Variants in GALNT11 observed in about 807,000 individuals in gnomAD.
GALNT11 encodes the protein polypeptide N-acetylgalactosaminyltransferase 11, also known as UDP-GalNAc:polypeptide N-acetylgalactosaminyltransferase 11.
GALNT11 carries 47 observed loss-of-function variants against 72.7 expected under a neutral mutation model. That is an observed-to-expected ratio of 0.65 (90% CI 0.51 to 0.82). The LOEUF is 0.82. Ranked by LOEUF, GALNT11 falls within the 40% of genes least tolerant of loss-of-function variation. The pLI is 0.00. For synonymous variants in GALNT11, 270 were observed against 286.6 expected (o/e 0.94, Z 0.58); for missense variants, 677 against 778.4 (o/e 0.87, Z 1.55).
Position 152,120,834 on chromosome 7 carries a change from T to C in GALNT11, c.1561T>C (p.Trp521Arg). Reference sequence around the variant, plus strand: ...TTATTTTATTTTTCTTCTCTAGATCTGGATCTATAATGAAGAGCATGAATT... The same window carrying C: ...TTATTTTATTTTTCTTCTCTAGATCCGGATCTATAATGAAGAGCATGAATT... ...ACDYSDPNQI[W>R]IYNEEHELVL... Residue 521 changes from tryptophan to arginine, a missense_variant, in exon 11 of 12, where the codon TGG becomes CGG. Coordinates refer to ENST00000430044, the MANE Select transcript of GALNT11 (RefSeq NM_022087.4). The C allele has an allele frequency of 6.2e-7, 1 of 1,601,570 alleles. No individual in the cohort carries two copies. The highest frequency in any genetic ancestry group is 1.7e-4 in the Middle Eastern group (1 of 5,726).
At chr7:152,035,560 G>A (rs967218113) in intron 1 of GALNT11, among the ~76,000 whole-genome samples, 13 of 152,096 alleles carry the variant, frequency 8.5e-5, no homozygotes, top group Non-Finnish European at 1.6e-4. Context: ...GTCGACCCTC[G>A]GCTCAGCCCG....
chr7:152,105,427 C>T lies in GALNT11; in HGVS notation c.712+57C>T. On this transcript the variant is annotated intron_variant, in intron 5 of 11. Coordinates refer to ENST00000430044, the MANE Select transcript of GALNT11 (RefSeq NM_022087.4). Reference sequence around the variant, plus strand: ...TGTTGGATGACAAGGGCTCGAGCCTCAGCGCCTGTCCTGATTCTGCAAAGT... The same window carrying T: ...TGTTGGATGACAAGGGCTCGAGCCTTAGCGCCTGTCCTGATTCTGCAAAGT... 1.1e-5 allele frequency: 18 copies of T among 1,577,696 alleles called. No individual in the cohort carries two copies. The South Asian group carries it at 2.0e-4, about 18-fold the overall frequency.
chr7:152,037,240 A>G (rs181876416), intron 1 of GALNT11, among the ~76,000 whole-genome samples: 9 of 152,328 alleles, frequency 5.9e-5, no homozygotes, highest in Admixed American at 3.9e-4. Flanking sequence ...ATTTTTGTGT[A>G]TAGTGAGAGA....
chr7:152,050,512 G>T (rs959646725), intron 1 of GALNT11, among the ~76,000 whole-genome samples: 1 of 152,160 alleles, frequency 6.6e-6, no homozygotes, highest in Non-Finnish European at 1.5e-5. Context: ...AGAAAATCCT[G>T]TTTACTCTTC....
In GALNT11 at chr7:152,121,119, C is replaced by G. The variant is rs1332525632; in HGVS notation, c.1695+151C>G. 3.6e-6 allele frequency: 3 copies of G among 821,998 alleles called. No homozygotes were observed. The African/African-American group carries it at 5.2e-5, about 14-fold the overall frequency. 50.9% of individuals were successfully genotyped at this position (821,998 alleles called of 1,614,324 possible). ...CCCAGAAACCACAGGTAGTACAAACCCTGTATATACTGTATTTCTTTCTAG... is the reference window on the plus strand; with the variant it reads ...CCCAGAAACCACAGGTAGTACAAACGCTGTATATACTGTATTTCTTTCTAG... On this transcript the variant is annotated intron_variant, in intron 11 of 11. Transcript: ENST00000430044.
intron 1 of GALNT11, among the ~76,000 whole-genome samples, chr7:152,052,622 G>T (rs2083456151): frequency 6.6e-6 from 1 of 152,060 alleles, no homozygotes; most frequent in Non-Finnish European, 1.5e-5. Flanking sequence ...ACCTCACATT[G>T]CTGTCGATAG....
intron 8 of GALNT11, among the ~76,000 whole-genome samples, chr7:152,116,350 A>C (rs1019940522): frequency 6.6e-6 from 1 of 152,086 alleles, no homozygotes; most frequent in Non-Finnish European, 1.5e-5. Flanking sequence ...TCCCAGGTTC[A>C]AGTGATTCTG....
chr7:152,026,046 T>A (rs2081993424), intron 1 of GALNT11, among the ~76,000 whole-genome samples, 162 bp downstream of exon 1: 1 of 151,646 alleles, frequency 6.6e-6, no homozygotes, highest in African/African-American at 2.4e-5. Flanking sequence ...GAGGCTCGTG[T>A]CTCCGGGAGA....
intron 1 of GALNT11, among the ~76,000 whole-genome samples, chr7:152,059,688 A>G (rs1428169950): frequency 1.3e-5 from 2 of 152,170 alleles, no homozygotes; most frequent in Non-Finnish European, 2.9e-5. Flanking sequence ...TTTGAAAGCA[A>G]TCTTTCTGAT....
At chr7:152,105,099 A>T in intron 4 of GALNT11, 146 bp from the exon 5 acceptor site, 1 of 814,526 alleles carries the variant, frequency 1.2e-6, no homozygotes, top group Non-Finnish European at 1.8e-6. Context: ...AAGCTACAAT[A>T]CTCTTTTAAA....
intron 8 of GALNT11, among the ~76,000 whole-genome samples, chr7:152,115,991 G>A (rs1403009321): frequency 6.6e-6 from 1 of 152,156 alleles, no homozygotes; most frequent in Non-Finnish European, 1.5e-5. Flanking sequence ...GGGAGGTGGA[G>A]GTTGTGGTGT....
chr7:152,120,421 C>T (rs768318699), intron 10 of GALNT11: 6 of 186,520 alleles, frequency 3.2e-5, no homozygotes, highest in Non-Finnish European at 6.6e-5. Flanking sequence ...TCAGCCTGTG[C>T]ACTTCCTGAC....
chr7:152,111,616 C>CTGTG (rs540244396), intron 7 of GALNT11, among the ~76,000 whole-genome samples: 3 of 150,570 alleles, frequency 2.0e-5, no homozygotes, highest in African/African-American at 7.4e-5. Context: ...TTATTCCACT[C>CTGTG]TGTGTGTGTG....
At chr7:152,034,540 T>C (rs1175214729) in intron 1 of GALNT11, among the ~76,000 whole-genome samples, 1 of 152,066 alleles carries the variant, frequency 6.6e-6, no homozygotes, top group Non-Finnish European at 1.5e-5. Flanking sequence ...ATTTCAAGGG[T>C]GAGCCTGTTG....
intron 1 of GALNT11, among the ~76,000 whole-genome samples, chr7:152,046,158 A>G (rs1231022610): frequency 6.6e-6 from 1 of 152,108 alleles, no homozygotes; most frequent in Non-Finnish European, 1.5e-5. Context: ...AAGATACTTG[A>G]TATAATTTCA....
intron 1 of GALNT11, among the ~76,000 whole-genome samples, chr7:152,037,287 G>A (rs142259309): frequency 1.3e-5 from 2 of 152,210 alleles, no homozygotes; most frequent in East Asian, 1.9e-4. Context: ...TATGTATATC[G>A]AGTTTTCGCA....
intron 1 of GALNT11, among the ~76,000 whole-genome samples, chr7:152,051,768 G>C (rs7792783): frequency 0.076 from 11,560 of 152,138 alleles, 1,508 homozygotes; most frequent in African/African-American, 0.26. Context: ...CTCTCTTTAT[G>C]CTCAGTGTGT....
chr7:152,034,991 A>T (rs2082492073), intron 1 of GALNT11, among the ~76,000 whole-genome samples: 1 of 152,156 alleles, frequency 6.6e-6, no homozygotes, highest in Non-Finnish European at 1.5e-5. Context: ...CCCCTCCTGT[A>T]AAGATGTTAT....
At chr7:152,088,592 T>G (rs1012225692) in intron 1 of GALNT11, among the ~76,000 whole-genome samples, 46 of 152,194 alleles carry the variant, frequency 3.0e-4, no homozygotes, top group Admixed American at 2.7e-3. Context: ...GCCCTTATTT[T>G]GATATCAGAG....
Sources: allele counts gnomAD v4.1 joint callset (sites outside exome capture counted in the v4.1 genomes callset), GRCh38; gene constraint gnomAD v4.1.1; transcripts MANE v1.5; gene names NCBI Gene and HGNC (gene_info 2026-07-23, HGNC 2026-07-21).